CYP19A1: variants seen among roughly 807,000 people sequenced by gnomAD.
CYP19A1 encodes aromatase.
A neutral mutation model predicts 44.4 loss-of-function variants in CYP19A1; 32 were observed. The ratio of observed to expected loss-of-function variants is 0.72; its 90% CI spans 0.54 to 0.97. The LOEUF (loss-of-function observed/expected upper bound fraction) is 0.97, where lower values mean the gene tolerates loss of function less well. Among genes scored for constraint, CYP19A1 ranks in the 50% least tolerant of loss-of-function variants. CYP19A1 has a pLI of 0.00. For missense variants in CYP19A1, 598 were observed against 637.8 expected (o/e 0.94, Z 0.67); for synonymous variants, 212 against 215.6 (o/e 0.98, Z 0.14).
In CYP19A1 at chr15:51,272,218, C is replaced by T. The variant is rs74013181; in HGVS notation, c.-38-29268G>A. Among the ~76,000 whole-genome samples, 1,293 of 152,288 alleles carry T rather than the reference C, an allele frequency of 8.5e-3. 20 individuals are homozygous for T. Among genetic ancestry groups the T allele is most frequent in the African/African-American group, 0.03 (1,230 of 41,544 alleles). On this transcript the variant is annotated intron_variant, in intron 1 of 9. Transcript: ENST00000396402. ...CTTTTCCTATCCTCGTATTTCTTCT[C>T]CAACCCTTCCCAACCTTCAAGATAC...
At chr15:51,296,227 G>A (rs2035993044) in intron 1 of CYP19A1, among the ~76,000 whole-genome samples, 1 of 152,062 alleles carries the variant, frequency 6.6e-6, no homozygotes, top group Non-Finnish European at 1.5e-5. Flanking sequence ...TAACCCTCTG[G>A]GCAGGGGTTT....
intron 1 of CYP19A1, among the ~76,000 whole-genome samples, chr15:51,294,367 C>A (rs1186934631): frequency 6.6e-6 from 1 of 151,072 alleles, no homozygotes; most frequent in Non-Finnish European, 1.5e-5. Flanking sequence ...CGGCCGCGAC[C>A]CCATCTGGGA....
intron 1 of CYP19A1, among the ~76,000 whole-genome samples, chr15:51,301,677 C>T (rs2036117854): frequency 1.3e-5 from 2 of 152,180 alleles, no homozygotes; most frequent in African/African-American, 4.8e-5. Flanking sequence ...CCTGATTTGT[C>T]TGTCAGCTTC....
At chr15:51,262,295 G>A (rs1376667653) in intron 1 of CYP19A1, among the ~76,000 whole-genome samples, 1 of 152,110 alleles carries the variant, frequency 6.6e-6, no homozygotes, top group African/African-American at 2.4e-5. Flanking sequence ...CAATAAATAT[G>A]TGGGTAAATC....
chr15:51,288,519 G>T (rs2035763680), intron 1 of CYP19A1, among the ~76,000 whole-genome samples: 1 of 152,282 alleles, frequency 6.6e-6, no homozygotes, highest in African/African-American at 2.4e-5. Context: ...CCTCATTTCA[G>T]ATAAGCAGTC....
chr15:51,228,053 G>T, intron 3 of CYP19A1, 120 bp from the exon 4 acceptor site: 1 of 746,954 alleles, frequency 1.3e-6, no homozygotes, highest in Non-Finnish European at 2.5e-6. Context: ...CAATGTGCAT[G>T]ATTTCTAGTA....
chr15:51,271,098 G>A (rs1027556461), intron 1 of CYP19A1, among the ~76,000 whole-genome samples: 10 of 151,802 alleles, frequency 6.6e-5, no homozygotes, highest in Admixed American at 5.9e-4. Flanking sequence ...TTGGAACCAC[G>A]TGGCTCAGTT....
chr15:51,218,835 T>C (rs1429383496), intron 5 of CYP19A1, among the ~76,000 whole-genome samples, 180 bp from the exon 6 acceptor site: 1 of 152,192 alleles, frequency 6.6e-6, no homozygotes, highest in Non-Finnish European at 1.5e-5. Flanking sequence ...ACTAGACAAA[T>C]CAAGCACTGA....
At chr15:51,303,029 G>T (rs2036147071) in intron 1 of CYP19A1, among the ~76,000 whole-genome samples, 1 of 152,134 alleles carries the variant, frequency 6.6e-6, no homozygotes, top group African/African-American at 2.4e-5. Flanking sequence ...CTTCCCTCTT[G>T]GTCTCCCAAC....
chr15:51,320,079 A>G (rs949207584), intron 1 of CYP19A1: 2 of 152,256 alleles, frequency 1.3e-5, no homozygotes, highest in Non-Finnish European at 2.9e-5. Context: ...GGAGACTCCA[A>G]TGAGTAGACC....
At chr15:51,213,784 G>A (rs1290268719) in intron 8 of CYP19A1, among the ~76,000 whole-genome samples, 8 of 152,090 alleles carry the variant, frequency 5.3e-5, no homozygotes, top group African/African-American at 1.9e-4. Context: ...CCCTCCTTCG[G>A]TCTCTCTTTA....
chr15:51,264,445 T>G (rs987232671), intron 1 of CYP19A1, among the ~76,000 whole-genome samples: 1 of 151,676 alleles, frequency 6.6e-6, no homozygotes, highest in African/African-American at 2.4e-5. Context: ...CAGGGTGAAT[T>G]GGTGGATAGT....
At chr15:51,214,582 T>C (rs1372960620) in intron 8 of CYP19A1, among the ~76,000 whole-genome samples, 5 of 152,238 alleles carry the variant, frequency 3.3e-5, no homozygotes, top group Admixed American at 1.3e-4. Flanking sequence ...ATCACTTCCC[T>C]GGGACGATAA....
intron 1 of CYP19A1, among the ~76,000 whole-genome samples, chr15:51,300,632 A>C (rs2036093105): frequency 6.6e-6 from 1 of 152,158 alleles, no homozygotes; most frequent in Admixed American, 6.5e-5. Context: ...AGCAGCCTGA[A>C]TGCAGCATGT....
intron 1 of CYP19A1, among the ~76,000 whole-genome samples, chr15:51,292,426 C>CA (rs1051021447): frequency 2.8e-4 from 43 of 152,344 alleles, no homozygotes; most frequent in African/African-American, 1.0e-3. Flanking sequence ...CTCCCCACTG[C>CA]AATGGGATTG....
At chr15:51,256,341 A>G (rs1595727567) in intron 1 of CYP19A1, among the ~76,000 whole-genome samples, 1 of 152,238 alleles carries the variant, frequency 6.6e-6, no homozygotes, top group South Asian at 2.1e-4. Flanking sequence ...TTAACAGCCT[A>G]TATTTAAGAA....
intron 1 of CYP19A1, among the ~76,000 whole-genome samples, chr15:51,334,833 G>T (rs532583706): frequency 7.2e-5 from 11 of 152,338 alleles, no homozygotes; most frequent in African/African-American, 2.6e-4. Flanking sequence ...TGCTTCAGCT[G>T]CAGAGAGCCA....
intron 1 of CYP19A1, among the ~76,000 whole-genome samples, chr15:51,280,432 T>A (rs1490327189): frequency 6.6e-6 from 1 of 152,160 alleles, no homozygotes; most frequent in Non-Finnish European, 1.5e-5. Flanking sequence ...TCCATCCTGG[T>A]CTCCCCATTT....
chr15:51,244,174 C>T (rs908796016), intron 1 of CYP19A1, among the ~76,000 whole-genome samples: 10 of 152,136 alleles, frequency 6.6e-5, no homozygotes, highest in African/African-American at 2.2e-4. Context: ...ATATTGTAAT[C>T]GGCACATTCT....
Sources: allele counts gnomAD v4.1 joint callset (sites outside exome capture counted in the v4.1 genomes callset), GRCh38; gene constraint gnomAD v4.1.1; transcripts MANE v1.5; gene names NCBI Gene and HGNC (gene_info 2026-07-23, HGNC 2026-07-21).